Variants in FAM149A observed in about 807,000 individuals in gnomAD.
FAM149A encodes the protein protein FAM149A.
A neutral mutation model predicts 78.2 loss-of-function variants in FAM149A; 71 were observed. The observed-to-expected ratio is 0.91, with a 90% CI of 0.75 to 1.11. The LOEUF (loss-of-function observed/expected upper bound fraction) is 1.11, where lower values mean the gene tolerates loss of function less well. Among genes scored for constraint, FAM149A ranks in the 50% least tolerant of loss-of-function variants. The pLI is 0.00. For missense variants in FAM149A, 1,036 were observed against 971.0 expected (o/e 1.07, Z -0.89); for synonymous variants, 446 against 410.5 (o/e 1.09, Z -1.04).
At chr4:186,165,202 T>A in intron 10 of FAM149A, 142 bp from the exon 11 acceptor site, 1 of 834,912 alleles carries the variant, frequency 1.2e-6, no homozygotes, top group Non-Finnish European at 2.0e-6. Context: ...AGCATCCGGA[T>A]AATACCACAC....
At chr4:186,135,194 C>T (rs556830996) in intron 1 of FAM149A, among the ~76,000 whole-genome samples, 17 of 152,334 alleles carry the variant, frequency 1.1e-4, no homozygotes, top group Non-Finnish European at 2.2e-4. Context: ...AACTGCAGTG[C>T]AGACATAAGA....
In FAM149A at chr4:186,113,655, A is replaced by T. The variant is rs867291246; in HGVS notation, c.566+8013A>T. 9.5e-3 allele frequency among the ~76,000 whole-genome samples: 1,406 copies of T among 148,728 alleles called. 24 individuals carry two copies. Among genetic ancestry groups the T allele is most frequent in the African/African-American group, 0.033 (1,324 of 40,094 alleles). ...TCTGCCTTCATTTCGTTATGTATCC[A>T]GTAGTCATTCAGGAGCAGGTTGTTC... On this transcript the variant is annotated intron_variant, in intron 1 of 13. Transcript: ENST00000389354.
At chr4:186,123,319 T>G in intron 1 of FAM149A, 1 of 985,476 alleles carries the variant, frequency 1.0e-6, no homozygotes, top group South Asian at 4.7e-5. Context: ...ATTTCTCTAG[T>G]CATTGCAAGT....
intron 1 of FAM149A, among the ~76,000 whole-genome samples, chr4:186,138,237 G>T (rs1331882044): frequency 8.6e-6 from 1 of 116,004 alleles, no homozygotes; most frequent in South Asian, 2.6e-4. Flanking sequence ...GGATGAGTTA[G>T]TGAGTGAGTG....
intron 1 of FAM149A, chr4:186,146,917 G>C: frequency 1.0e-6 from 1 of 985,424 alleles, no homozygotes; most frequent in Non-Finnish European, 1.2e-6. Flanking sequence ...TCAACCGAGG[G>C]CATCTTTTGT....
Position 186,172,202 on chromosome 4 carries a change from C to A in FAM149A, c.*215C>A. The A allele has an allele frequency of 1.7e-6, 1 of 589,412 alleles. No individual in the cohort carries two copies. Among genetic ancestry groups the A allele is most frequent in the Non-Finnish European group, 2.7e-6 (1 of 374,626 alleles). 36.5% of individuals were successfully genotyped at this position (589,412 alleles called of 1,614,324 possible). ...CACCAAGCTGCCTTGCTGAAAGCAT[C>A]TCCAAGGTTCTGTAGGCTTTGTTCA... On this transcript the variant is annotated 3_prime_UTR_variant, in exon 14 of 14. Coordinates refer to ENST00000389354, the MANE Select transcript of FAM149A (RefSeq NM_001367768.3).
At chr4:186,110,855 A>G (rs1273377045) in intron 1 of FAM149A, among the ~76,000 whole-genome samples, 2 of 150,434 alleles carry the variant, frequency 1.3e-5, no homozygotes, top group African/African-American at 2.5e-5. Flanking sequence ...CAATAAACCT[A>G]TGTGTGCATG....
Position 186,105,291 on chromosome 4 carries a change from C to G in FAM149A, c.215C>G (p.Pro72Arg). 3.4e-6 allele frequency: 4 copies of G among 1,190,812 alleles called. No individual in the cohort carries two copies. The highest frequency in any genetic ancestry group is 4.2e-6 in the Non-Finnish European group (4 of 949,142). 73.8% of individuals were successfully genotyped at this position (1,190,812 alleles called of 1,614,324 possible). Residue 72 changes from proline (P) to arginine (R), a missense_variant, in exon 1 of 14, where the codon CCG (proline) becomes CGG (arginine). Transcript: ENST00000389354. ...TCCGCCTCGCGGCGGTCGCCCGCCCCGCTGCTCTCCTCCCCCTACTCCCGG... is the reference window on the plus strand; with the variant it reads ...TCCGCCTCGCGGCGGTCGCCCGCCCGGCTGCTCTCCTCCCCCTACTCCCGG...
At chr4:186,162,452 C>T (rs571207758) in intron 8 of FAM149A, among the ~76,000 whole-genome samples, 1 of 152,332 alleles carries the variant, frequency 6.6e-6, no homozygotes, top group East Asian at 1.9e-4. Flanking sequence ...TGCTCCCTTG[C>T]CCTCCAACCT....
chr4:186,104,991 C>G lies in FAM149A; in HGVS notation c.-86C>G. 1 of 1,223,920 alleles carries G rather than the reference C, an allele frequency of 8.2e-7. No homozygotes were observed. Among genetic ancestry groups the G allele is most frequent in the Non-Finnish European group, 1.0e-6 (1 of 960,474 alleles). 75.8% of individuals were successfully genotyped at this position (1,223,920 alleles called of 1,614,324 possible). On this transcript the variant is annotated 5_prime_UTR_variant, in exon 1 of 14. Transcript: ENST00000389354. Reference sequence around the variant, plus strand: ...CTCCGGGTGCGGGGACCTCAGGCTCCTCGCCCCGGCCCGGGCCGCCTCGGC... The same window carrying G: ...CTCCGGGTGCGGGGACCTCAGGCTCGTCGCCCCGGCCCGGGCCGCCTCGGC...
chr4:186,129,774 C>G (rs1201072864), intron 1 of FAM149A, among the ~76,000 whole-genome samples: 1 of 152,124 alleles, frequency 6.6e-6, no homozygotes, highest in Non-Finnish European at 1.5e-5. Context: ...TACCAGACAC[C>G]AGTTAAATAG....
intron 1 of FAM149A, among the ~76,000 whole-genome samples, chr4:186,106,984 T>G (rs1579748981): frequency 1.3e-5 from 2 of 152,256 alleles, no homozygotes; most frequent in East Asian, 3.9e-4. Flanking sequence ...AAATAAGCAG[T>G]TAAGCAAAAA....
chr4:186,159,931 A>C (rs867103918), intron 8 of FAM149A, among the ~76,000 whole-genome samples: 1 of 150,056 alleles, frequency 6.7e-6, no homozygotes, highest in African/African-American at 2.5e-5. Context: ...ACACACACAC[A>C]CCACACACAG....
Position 186,157,672 on chromosome 4 carries a change from G to A in FAM149A, c.1528G>A (p.Ala510Thr), listed in dbSNP as rs542816157. Residue 510 changes from alanine to threonine, a missense_variant, in exon 8 of 14, where the codon GCC (alanine) becomes ACC (threonine). Transcript: ENST00000389354. Reference sequence around the variant, plus strand: ...AGCCAGTGGCCCCCCGTCCGGACACGCCGAGGCTCACGGCATCTCCCTGGC... The same window carrying A: ...AGCCAGTGGCCCCCCGTCCGGACACACCGAGGCTCACGGCATCTCCCTGGC... 132 of 1,613,920 alleles carry A rather than the reference G, an allele frequency of 8.2e-5. No homozygotes were observed. The Admixed American group carries it at 9.0e-4, about 11-fold the overall frequency.
Position 186,160,707 on chromosome 4 carries a change from A to ACACACCACACACACACCTCCC in FAM149A, c.1576-2119_1576-2118insCCCACACCACACACACACCTC, listed in dbSNP as rs1406417979. ...CTTCACACATACCACACACACTACC[A>ACACACCACACACACACCTCCC]CACACCACACACACACCTCACCACA... On this transcript the variant is annotated intron_variant, in intron 8 of 13. Transcript: ENST00000389354. 1,256 of 764,278 alleles carry ACACACCACACACACACCTCCC rather than the reference A, an allele frequency of 1.6e-3. 19 individuals are homozygous for ACACACCACACACACACCTCCC. In the African/African-American group the frequency reaches 0.024, roughly 15 times the overall value. The allele number at this position is 764,278 out of a possible 1,614,324, so 47.3% of individuals were successfully genotyped here.
At chr4:186,116,462 C>G in intron 1 of FAM149A, 2 of 984,974 alleles carry the variant, frequency 2.0e-6, no homozygotes, top group South Asian at 4.7e-5. Context: ...CCATTACTGT[C>G]ATTAAAGATA....
intron 3 of FAM149A, among the ~76,000 whole-genome samples, chr4:186,151,399 AT>A (rs961296488): frequency 5.9e-5 from 9 of 151,782 alleles, no homozygotes; most frequent in South Asian, 4.2e-4. Context: ...ATAACTAAGG[AT>A]TTTTTTTTCC....
intron 10 of FAM149A, 67 bp from the exon 11 acceptor site, chr4:186,165,277 C>T: frequency 6.3e-7 from 1 of 1,581,668 alleles, no homozygotes; most frequent in South Asian, 1.1e-5. Flanking sequence ...CAGCTCTTGG[C>T]AGATTTCCTG....
chr4:186,127,434 A>G, intron 1 of FAM149A: 1 of 985,442 alleles, frequency 1.0e-6, no homozygotes, highest in Non-Finnish European at 1.2e-6. Flanking sequence ...CTGTCACAGG[A>G]ATGCTCAGAA....
Sources: gnomAD v4.1 joint callset for allele counts (sites outside exome capture counted in the v4.1 genomes callset) on GRCh38, gnomAD v4.1.1 for gene constraint, MANE v1.5 for transcripts, NCBI Gene and HGNC (gene_info 2026-07-23, HGNC 2026-07-21) for gene names.